Variants in NME7 observed in about 807,000 individuals in gnomAD.
The protein encoded by NME7 is nucleoside diphosphate kinase 7.
A neutral mutation model predicts 49.1 loss-of-function variants in NME7; 41 were observed. That is an observed-to-expected ratio of 0.83 (90% confidence interval 0.65 to 1.08). The LOEUF (loss-of-function observed/expected upper bound fraction) is 1.08. Ranked by LOEUF, NME7 falls within the 50% of genes least tolerant of loss-of-function variation. The probability of loss-of-function intolerance (pLI) is 0.00; values close to 1 mark genes in which losing one functional copy is unlikely to be tolerated. For missense variants in NME7, 423 were observed against 463.4 expected (o/e 0.91, Z 0.80); for synonymous variants, 139 against 150.6 (o/e 0.92, Z 0.56).
In NME7 at chr1:169,256,596, G is replaced by A. The variant is rs865877845; in HGVS notation, c.755-18909C>T. Among the ~76,000 whole-genome samples, 688 of 130,594 alleles carry A rather than the reference G, an allele frequency of 5.3e-3. 61 individuals are homozygous for A. The highest frequency in any genetic ancestry group is 0.017 in the African/African-American group (644 of 38,624). 85.7% of individuals were successfully genotyped at this position (130,594 alleles called of 152,430 possible). On this transcript the variant is annotated intron_variant, in intron 7 of 11. Transcript: ENST00000367811. The stretch of plus-strand genomic sequence containing the variant: ...GTCATTCTCCATCCAGCTTTGTTCC[G>A]TTGCCGGTGAGGAACTGCGTTCCTT...
chr1:169,361,755 C>T (rs968247929), intron 1 of NME7, among the ~76,000 whole-genome samples: 5 of 148,436 alleles, frequency 3.4e-5, no homozygotes, highest in Non-Finnish European at 6.0e-5. Flanking sequence ...ACTCCACAGC[C>T]GGGTCGACAG....
At chr1:169,254,350 T>C (rs1403483095) in intron 7 of NME7, among the ~76,000 whole-genome samples, 4 of 152,086 alleles carry the variant, frequency 2.6e-5, no homozygotes, top group Non-Finnish European at 2.9e-5. Flanking sequence ...TTTATTTGCG[T>C]AGAGGTGTTT....
intron 10 of NME7, among the ~76,000 whole-genome samples, chr1:169,169,822 G>A (rs1659525616): frequency 6.6e-6 from 1 of 152,154 alleles, no homozygotes; most frequent in African/African-American, 2.4e-5. Flanking sequence ...ATTTTATAAA[G>A]ACAGTAGAGA....
chr1:169,304,082 AAG>A (rs1651080747), intron 4 of NME7, among the ~76,000 whole-genome samples: 1 of 152,206 alleles, frequency 6.6e-6, no homozygotes, highest in African/African-American at 2.4e-5. Flanking sequence ...ATCACTAAAA[AAG>A]GGGAGAATAT....
intron 1 of NME7, among the ~76,000 whole-genome samples, chr1:169,361,101 G>A (rs1653635621): frequency 6.6e-6 from 1 of 152,056 alleles, no homozygotes; most frequent in South Asian, 2.1e-4. Flanking sequence ...ATACCCACCA[G>A]TTACCAGTAT....
In NME7 at chr1:169,193,773, G is replaced by C. The variant is rs555594099; in HGVS notation, c.991-24219C>G. Reference sequence around the variant, plus strand: ...ACTGTGATAGGGACATGTCTGATTGGAATAGGGTTATTTTTAAAGATATTC... The same window carrying C: ...ACTGTGATAGGGACATGTCTGATTGCAATAGGGTTATTTTTAAAGATATTC... On this transcript the variant is annotated intron_variant, in intron 10 of 11. Coordinates refer to ENST00000367811, the MANE Select transcript of NME7 (RefSeq NM_013330.5). Among the ~76,000 whole-genome samples the C allele has an allele frequency of 2.0e-5, 3 of 152,134 alleles. No individual in the cohort carries two copies. In the East Asian group the frequency reaches 5.8e-4, roughly 29 times the overall value.
chr1:169,208,969 T>C (rs1660745046), intron 10 of NME7, among the ~76,000 whole-genome samples: 1 of 152,072 alleles, frequency 6.6e-6, no homozygotes, highest in African/African-American at 2.4e-5. Context: ...TAGATTTTAG[T>C]CAATTAATTC....
In NME7 at chr1:169,256,229, A is replaced by C. The variant is rs964641147; in HGVS notation, c.755-18542T>G. Among the ~76,000 whole-genome samples the C allele has an allele frequency of 1.4e-4, 19 of 133,182 alleles. 4 individuals are homozygous for C. Among genetic ancestry groups the C allele is most frequent in the Non-Finnish European group, 2.3e-4 (13 of 56,692 alleles). 87.4% of individuals were successfully genotyped at this position (133,182 alleles called of 152,430 possible). Reference sequence around the variant, plus strand: ...TCAGACGTAGATTTGGTCTTTTCACATAGTCCCATATTTCTTGGAGGCTTT... The same window carrying C: ...TCAGACGTAGATTTGGTCTTTTCACCTAGTCCCATATTTCTTGGAGGCTTT... On this transcript the variant is annotated intron_variant, in intron 7 of 11. Coordinates refer to ENST00000367811, the MANE Select transcript of NME7 (RefSeq NM_013330.5).
At chr1:169,249,471 GT>G (rs1177539479) in intron 7 of NME7, among the ~76,000 whole-genome samples, 1 of 151,914 alleles carries the variant, frequency 6.6e-6, no homozygotes, top group Non-Finnish European at 1.5e-5. Flanking sequence ...GATGCCCTTT[GT>G]TTCTTATCCT....
rs752014131 is a variant in NME7, at chr1:169,287,418, G to A, written c.649-10C>T. ...AAAACAACTCCATTTCCTAAAGACA[G>A]AGAGAAATGATTTTGACAAATGTGA... On this transcript the variant is annotated splice_polypyrimidine_tract_variant and intron_variant, in intron 6 of 11. Coordinates refer to ENST00000367811, the MANE Select transcript of NME7 (RefSeq NM_013330.5). 1.9e-6 allele frequency: 3 copies of A among 1,563,454 alleles called. No homozygotes were observed. In the African/African-American group the frequency reaches 4.1e-5, roughly 21 times the overall value.
At chr1:169,133,440 CAG>C (rs1046583563) in intron 11 of NME7, among the ~76,000 whole-genome samples, 4 of 152,186 alleles carry the variant, frequency 2.6e-5, no homozygotes, top group Admixed American at 1.3e-4. Context: ...TGCCCTCTTA[CAG>C]AGAGACAGAT....
chr1:169,357,163 C>T (rs1428308270), intron 1 of NME7, among the ~76,000 whole-genome samples: 2 of 152,022 alleles, frequency 1.3e-5, no homozygotes, highest in African/African-American at 4.8e-5. Context: ...TTATTATCCT[C>T]ATTTTACAAA....
chr1:169,330,260 A>T (rs1198250855), intron 1 of NME7, among the ~76,000 whole-genome samples: 3 of 152,144 alleles, frequency 2.0e-5, no homozygotes, highest in Non-Finnish European at 4.4e-5. Flanking sequence ...AAGGTAAAAA[A>T]CTCACTGGTA....
At chr1:169,145,093 T>C (rs1379149064) in intron 11 of NME7, among the ~76,000 whole-genome samples, 1 of 152,202 alleles carries the variant, frequency 6.6e-6, no homozygotes, top group African/African-American at 2.4e-5. Context: ...AGATTTTAGC[T>C]CTCAGATGGA....
intron 11 of NME7, among the ~76,000 whole-genome samples, chr1:169,139,632 C>T (rs1658532838): frequency 6.6e-6 from 1 of 152,176 alleles, no homozygotes. Flanking sequence ...TAGTGTCCAG[C>T]ATAAATATTG....
intron 10 of NME7, 144 bp from the exon 11 acceptor site, chr1:169,169,698 G>A (rs1279248074): frequency 3.0e-5 from 19 of 639,252 alleles, no homozygotes; most frequent in Non-Finnish European, 5.0e-5. Flanking sequence ...GTGGCCCAAT[G>A]TAAAGTCTGC....
chr1:169,289,800 C>T lies in NME7; in HGVS notation c.649-2392G>A, dbSNP rs556606925. 3.3e-5 allele frequency among the ~76,000 whole-genome samples: 5 copies of T among 152,126 alleles called. 1 individual carries two copies. Among genetic ancestry groups the T allele is most frequent in the African/African-American group, 1.2e-4 (5 of 41,526 alleles). ...GCATAAAGATTTTACATAAATATATCTTCTTAGTGAAACGTGAATAAGAGC... is the reference window on the plus strand; with the variant it reads ...GCATAAAGATTTTACATAAATATATTTTCTTAGTGAAACGTGAATAAGAGC... On this transcript the variant is annotated intron_variant, in intron 6 of 11. Coordinates refer to ENST00000367811, the MANE Select transcript of NME7 (RefSeq NM_013330.5).
At chr1:169,203,772 G>A (rs1022641177) in intron 10 of NME7, among the ~76,000 whole-genome samples, 2 of 152,078 alleles carry the variant, frequency 1.3e-5, no homozygotes, top group African/African-American at 4.8e-5. Flanking sequence ...TTAACCCTTA[G>A]GGAAGGCTAA....
At chr1:169,213,044 A>G (rs907299331) in intron 10 of NME7, among the ~76,000 whole-genome samples, 3 of 152,158 alleles carry the variant, frequency 2.0e-5, no homozygotes, top group Non-Finnish European at 4.4e-5. Flanking sequence ...AGCTGTCAAG[A>G]GTCCTAAGTA....
Sources: gnomAD v4.1 joint callset for allele counts (sites outside exome capture counted in the v4.1 genomes callset) on GRCh38, gnomAD v4.1.1 for gene constraint, MANE v1.5 for transcripts, NCBI Gene and HGNC (gene_info 2026-07-23, HGNC 2026-07-21) for gene names.